The following FMN1 variants were observed in gnomAD, a reference collection of about 807,000 sequenced individuals.
The protein encoded by FMN1 is formin 1, also known as formin-1.
A neutral mutation model predicts 132.4 loss-of-function variants in FMN1; 110 were observed. The ratio of observed to expected loss-of-function variants is 0.83; its 90% CI spans 0.71 to 0.97. FMN1 has a LOEUF of 0.97. Ranked by LOEUF, FMN1 falls within the 50% of genes least tolerant of loss-of-function variation. FMN1 has a pLI of 0.00. For missense variants in FMN1, 1,792 were observed against 1,705.3 expected (o/e 1.05, Z -0.90); for synonymous variants, 722 against 651.7 (o/e 1.11, Z -1.64).
intron 15 of FMN1, among the ~76,000 whole-genome samples, chr15:32,892,968 G>A (rs1244974172): frequency 1.3e-5 from 2 of 152,118 alleles, no homozygotes; most frequent in African/African-American, 4.8e-5. Context: ...ATATCAATAA[G>A]CTTTATTTTT....
At chr15:32,818,622 A>G (rs919248103) in intron 17 of FMN1, among the ~76,000 whole-genome samples, 2 of 152,178 alleles carry the variant, frequency 1.3e-5, no homozygotes, top group African/African-American at 4.8e-5. Context: ...GTAAGTTGAG[A>G]TTTCTTTATC....
At chr15:33,082,034 T>TGGGG (rs199983775) in intron 5 of FMN1, among the ~76,000 whole-genome samples, 5 of 137,752 alleles carry the variant, frequency 3.6e-5, no homozygotes, top group African/African-American at 1.3e-4. Flanking sequence ...TGTGTGTGTG[T>TGGGG]GTGTGTGTGT....
intron 15 of FMN1, among the ~76,000 whole-genome samples, chr15:32,891,800 A>G (rs992446617): frequency 6.6e-6 from 1 of 152,000 alleles, no homozygotes; most frequent in African/African-American, 2.4e-5. Context: ...ATATATATAT[A>G]TGTATATATT....
rs7181206 is a variant in FMN1 at position 33,105,560 on chromosome 15, T to G, written c.1868-16586A>C. ...AAAGGCAAGGCTGACTTGAAATGGG[T>G]AATGACTGGGGAAAGGTTTACAGAC... is the stretch of plus-strand genomic sequence containing the variant. On this transcript the variant is annotated intron_variant, in intron 4 of 20. Coordinates refer to ENST00000616417, the MANE Select transcript of FMN1 (RefSeq NM_001277313.2). 2.0e-3 allele frequency among the ~76,000 whole-genome samples: 310 copies of G among 152,226 alleles called. 1 individual carries two copies. The highest frequency in any genetic ancestry group is 6.9e-3 in the African/African-American group (286 of 41,552).
chr15:32,972,269 T>C (rs1490752904), intron 7 of FMN1, among the ~76,000 whole-genome samples: 1 of 152,216 alleles, frequency 6.6e-6, no homozygotes, highest in African/African-American at 2.4e-5. Flanking sequence ...CTCTACTGTC[T>C]ACATGCTCTA....
intron 4 of FMN1, chr15:33,105,702 T>C (rs187397860): frequency 5.3e-5 from 8 of 152,294 alleles, no homozygotes; most frequent in Non-Finnish European, 1.5e-5. Context: ...TCAATAAATA[T>C]CTACTTTTCC....
intron 5 of FMN1, among the ~76,000 whole-genome samples, chr15:33,071,785 A>G (rs1288926885): frequency 1.3e-5 from 2 of 152,214 alleles, no homozygotes; most frequent in Non-Finnish European, 2.9e-5. Context: ...AGGGAATGAG[A>G]GTGTTTCAGA....
At chr15:32,878,394 C>G (rs1452991709) in intron 16 of FMN1, among the ~76,000 whole-genome samples, 1 of 152,052 alleles carries the variant, frequency 6.6e-6, no homozygotes, top group Non-Finnish European at 1.5e-5. Context: ...CAGGTGGAGA[C>G]AAAGGAAGAC....
chr15:33,041,200 T>A (rs1174714513), intron 6 of FMN1, among the ~76,000 whole-genome samples: 1 of 151,868 alleles, frequency 6.6e-6, no homozygotes, highest in Non-Finnish European at 1.5e-5. Context: ...ATTAAATAAT[T>A]AAATTCAAAC....
intron 5 of FMN1, chr15:33,067,947 A>C (rs1307969789): frequency 1.3e-6 from 2 of 1,530,414 alleles, no homozygotes; most frequent in Admixed American, 4.2e-5. Flanking sequence ...CTCTCAGTTT[A>C]TCCACTCCAT....
rs550306019 is a variant in FMN1 at position 32,994,068 on chromosome 15, G to C, written c.2223+13946C>G. On this transcript the variant is annotated intron_variant, in intron 7 of 20. Transcript: ENST00000616417. ...ATCTTGCCTCTTGCCTTTCTCCACC[G>C]CACTGTTTTCAACCCATAGGCCATC... Among the ~76,000 whole-genome samples the C allele has an allele frequency of 3.4e-4, 52 of 151,938 alleles. 1 individual carries two copies. Among genetic ancestry groups the C allele is most frequent in the African/African-American group, 1.2e-3 (51 of 41,388 alleles).
chr15:32,897,431 G>A (rs372248812), intron 15 of FMN1, among the ~76,000 whole-genome samples: 1 of 152,120 alleles, frequency 6.6e-6, no homozygotes, highest in Non-Finnish European at 1.5e-5. Context: ...ATTATTTCCA[G>A]AGAGGAGTAA....
chr15:32,936,415 A>G (rs1005615073), intron 9 of FMN1, among the ~76,000 whole-genome samples: 1 of 152,204 alleles, frequency 6.6e-6, no homozygotes, highest in Non-Finnish European at 1.5e-5. Context: ...TTTTCTGTGG[A>G]TAAATATTCT....
chr15:32,974,103 C>T (rs2032009138), intron 7 of FMN1, among the ~76,000 whole-genome samples: 1 of 152,186 alleles, frequency 6.6e-6, no homozygotes, highest in African/African-American at 2.4e-5. Flanking sequence ...CCTTTATATC[C>T]TGTTAACTTT....
intron 3 of FMN1, among the ~76,000 whole-genome samples, chr15:33,169,740 C>CTTTTTTTTTTTTTTTTTTT (rs57083437): frequency 3.4e-5 from 4 of 117,910 alleles, no homozygotes; most frequent in African/African-American, 1.0e-4. Flanking sequence ...TTTTCTTTTC[C>CTTTTTTTTTTTTTTTTTTT]TTTTTTTTTT....
At chr15:32,850,726 C>T (rs775489423) in intron 17 of FMN1, among the ~76,000 whole-genome samples, 1 of 152,154 alleles carries the variant, frequency 6.6e-6, no homozygotes, top group East Asian at 1.9e-4. Flanking sequence ...TATATAATTC[C>T]TTTTGCATTC....
In FMN1 at chr15:33,068,320, A is replaced by G. The variant is rs531715079; in HGVS notation, c.2044-3246T>C. On this transcript the variant is annotated intron_variant, in intron 5 of 20. Coordinates refer to ENST00000616417, the MANE Select transcript of FMN1 (RefSeq NM_001277313.2). ...GTGGCATTCAACTTCCTCATTGGTG[A>G]GCAAGTGAAGGCTTCTGAAAGTGCT... Among the ~76,000 whole-genome samples, 3 of 152,306 alleles carry G rather than the reference A, an allele frequency of 2.0e-5. No individual in the cohort carries two copies. In the South Asian group the frequency reaches 6.2e-4, roughly 32 times the overall value.
chr15:32,828,305 A>G (rs1265688979), intron 17 of FMN1, among the ~76,000 whole-genome samples: 1 of 152,234 alleles, frequency 6.6e-6, no homozygotes, highest in Non-Finnish European at 1.5e-5. Flanking sequence ...ATCCATATGT[A>G]TCAACATCAA....
At chr15:33,045,345 G>A (rs752343408) in intron 6 of FMN1, among the ~76,000 whole-genome samples, 11 of 152,166 alleles carry the variant, frequency 7.2e-5, no homozygotes, top group Non-Finnish European at 1.2e-4. Flanking sequence ...AGCACCTCCC[G>A]AGGGCAGCCT....
Sources: gnomAD v4.1 joint callset for allele counts (sites outside exome capture counted in the v4.1 genomes callset) on GRCh38, gnomAD v4.1.1 for gene constraint, MANE v1.5 for transcripts, NCBI Gene and HGNC (gene_info 2026-07-23, HGNC 2026-07-21) for gene names.